Variants in MARVELD3 observed in about 807,000 individuals in gnomAD.
MARVELD3 encodes the protein MARVEL domain-containing protein 3.
In MARVELD3, 28 loss-of-function variants were observed where a neutral mutation model predicts 33.5. That is an observed-to-expected ratio of 0.84 (90% CI 0.62 to 1.15). The LOEUF (loss-of-function observed/expected upper bound fraction) is 1.15. Ranked by LOEUF, MARVELD3 falls within the 50% of genes most tolerant of loss-of-function variation. The pLI is 0.00. For missense variants in MARVELD3, 582 were observed against 547.6 expected (o/e 1.06, Z -0.63); for synonymous variants, 241 against 230.4 (o/e 1.05, Z -0.42).
At chr16:71,638,313 C>G (rs2044594707), downstream of MARVELD3, 1 of 152,280 alleles carries the variant, frequency 6.6e-6, no homozygotes, top group Non-Finnish European at 1.5e-5. Context: ...TAGACAAATC[C>G]ATCCATACAA....
rs2044507486 is a variant in MARVELD3 at position 71,629,501 on chromosome 16, C to T, written c.595+7C>T. The T allele has an allele frequency of 1.3e-6, 2 of 1,559,302 alleles. No homozygotes were observed. The highest frequency in any genetic ancestry group is 1.4e-5 in the African/African-American group (1 of 71,418). ...TACTTGTGCACTGGGAGAGGTGAGC[C>T]GTTTTGCAGGCTGTTTGATCATTTA... On this transcript the variant is annotated splice_region_variant and intron_variant, in intron 2 of 2. Coordinates refer to ENST00000268485, the MANE Select transcript of MARVELD3 (RefSeq NM_052858.6).
Position 71,629,542 on chromosome 16 carries a change from C to G in MARVELD3, c.595+48C>G, listed in dbSNP as rs201808584. ...TGATCATTTACTGTCACTGGTGGTT[C>G]TGGAAGGGATGGTCTGAGCTGGTGA... On this transcript the variant is annotated intron_variant, in intron 2 of 2. Coordinates refer to ENST00000268485, the MANE Select transcript of MARVELD3 (RefSeq NM_052858.6). 1.5e-4 allele frequency: 235 copies of G among 1,521,566 alleles called. 1 individual carries two copies. In the East Asian group the frequency reaches 4.8e-3, roughly 31 times the overall value. 94.3% of individuals were successfully genotyped at this position (1,521,566 alleles called of 1,614,324 possible).
chr16:71,638,410 C>G (rs543381895), downstream of MARVELD3: 1 of 152,566 alleles, frequency 6.6e-6, no homozygotes, highest in East Asian at 1.9e-4. Context: ...ATGAAAAAAT[C>G]AAGATGCAGA....
At chr16:71,629,515 T>C in intron 2 of MARVELD3, 21 bp downstream of exon 2, 2 of 1,548,918 alleles carry the variant, frequency 1.3e-6, no homozygotes, top group Non-Finnish European at 1.7e-6. Context: ...TTGCAGGCTG[T>C]TTGATCATTT....
At chr16:71,629,880 C>T (rs1264569678) in intron 2 of MARVELD3, among the ~76,000 whole-genome samples, 1 of 152,116 alleles carries the variant, frequency 6.6e-6, no homozygotes, top group Non-Finnish European at 1.5e-5. Flanking sequence ...CTGGCGTGGG[C>T]AGCCAAGTTG....
rs1245662156 is a variant in MARVELD3 at position 71,634,524 on chromosome 16, G to A, written c.927G>A (p.Leu309=). Residue 309 remains leucine, a synonymous_variant, in exon 3 of 3, where the codon TTG becomes TTA. Coordinates refer to ENST00000268485, the MANE Select transcript of MARVELD3 (RefSeq NM_052858.6). ...CPLLLVTEGL[L]DMLIAGGYIP... Reference sequence around the variant, plus strand: ...TGTTGCTGGTGACCGAAGGCTTGTTGGACATGCTCATCGCGGGGGGGTACA... The same window carrying A: ...TGTTGCTGGTGACCGAAGGCTTGTTAGACATGCTCATCGCGGGGGGGTACA... The A allele has an allele frequency of 6.2e-7, 1 of 1,614,102 alleles. No homozygotes were observed. The highest frequency in any genetic ancestry group is 8.5e-7 in the Non-Finnish European group (1 of 1,180,050).
downstream of MARVELD3, chr16:71,640,328 T>C (rs1596978821): frequency 1.3e-6 from 2 of 1,556,522 alleles, no homozygotes; most frequent in Non-Finnish European, 1.7e-6. Context: ...GCCTGTGGTA[T>C]GTCTCTGGCT....
chr16:71,634,310 A>G lies in MARVELD3; in HGVS notation c.713A>G (p.Tyr238Cys). Residue 238 changes from tyrosine to cysteine, a missense_variant, in exon 3 of 3, where the codon TAT becomes TGT. Tyr to Cys is a radical substitution (Grantham distance 194). Coordinates refer to ENST00000268485, the MANE Select transcript of MARVELD3 (RefSeq NM_052858.6). Reference sequence around the variant, plus strand: ...ACCAGCTTGGGGGGCATTTACTACTATCAGTTCGGAGGGGCTTACAGTGGC... The same window carrying G: ...ACCAGCTTGGGGGGCATTTACTACTGTCAGTTCGGAGGGGCTTACAGTGGC... ...GITSLGGIYYYQFGGAYSGFD... is the reference protein window; with the variant it reads ...GITSLGGIYYCQFGGAYSGFD... 2 of 1,614,086 alleles carry G rather than the reference A, an allele frequency of 1.2e-6. No individual in the cohort carries two copies. The highest frequency in any genetic ancestry group is 1.7e-5 in the Admixed American group (1 of 60,016).
downstream of MARVELD3, among the ~76,000 whole-genome samples, chr16:71,636,653 G>C (rs2044583014): frequency 6.6e-6 from 1 of 152,008 alleles, no homozygotes; most frequent in Non-Finnish European, 1.5e-5. Flanking sequence ...TGCAGTGGTG[G>C]GATCTCAGCT....
At chr16:71,629,252 A>G (rs985094254) in intron 1 of MARVELD3, 115 bp from the exon 2 acceptor site, 1 of 1,210,798 alleles carries the variant, frequency 8.3e-7, no homozygotes, top group Non-Finnish European at 1.1e-6. Context: ...TACCGGGACA[A>G]ATTCTATTTC....
At chr16:71,630,624 T>C in intron 2 of MARVELD3, among the ~76,000 whole-genome samples, 1 of 138,254 alleles carries the variant, frequency 7.2e-6, no homozygotes, top group South Asian at 2.3e-4. Context: ...AACTACGTCT[T>C]AAAAAAAAAA....
intron 2 of MARVELD3, 95 bp downstream of exon 2, chr16:71,629,589 C>A (rs560869519): frequency 1.7e-6 from 2 of 1,196,780 alleles, no homozygotes; most frequent in Non-Finnish European, 2.3e-6. Flanking sequence ...AAGCAGATTC[C>A]CTTGTGGGTT....
chr16:71,633,856 G>A (rs1489632331), intron 2 of MARVELD3, among the ~76,000 whole-genome samples: 1 of 152,080 alleles, frequency 6.6e-6, no homozygotes, highest in Non-Finnish European at 1.5e-5. Context: ...CTTTCTGGTG[G>A]TGGGAGGTGG....
downstream of MARVELD3, chr16:71,640,695 C>T (rs941107898): frequency 6.2e-7 from 1 of 1,614,252 alleles, no homozygotes; most frequent in Non-Finnish European, 8.5e-7. Flanking sequence ...GAAGTGGCTC[C>T]TCACGGAGGC....
chr16:71,634,188 TGCAGCC>T lies in MARVELD3; in HGVS notation c.596-4_597del. The T allele has an allele frequency of 1.3e-6, 2 of 1,592,416 alleles. No individual in the cohort carries two copies. Among genetic ancestry groups the T allele is most frequent in the African/African-American group, 1.3e-5 (1 of 74,500 alleles). ...CTCAAAAATGGTAACACCCTTTTTT[TGCAGCC>T]TGCTGCCAAATGCTGGAGGTTCTCC... On this transcript the variant is annotated splice_acceptor_variant and splice_polypyrimidine_tract_variant and coding_sequence_variant and intron_variant, in exon 3 of 3. Transcript: ENST00000268485. LOFTEE classifies it high-confidence loss of function.
intron 2 of MARVELD3, among the ~76,000 whole-genome samples, chr16:71,632,224 C>T (rs2145277885): frequency 6.6e-6 from 1 of 152,288 alleles, no homozygotes; most frequent in Non-Finnish European, 1.5e-5. Context: ...CAAAGCGTCA[C>T]TAAGGAAATT....
At chr16:71,633,959 G>A (rs925062665) in intron 2 of MARVELD3, among the ~76,000 whole-genome samples, 9 of 152,048 alleles carry the variant, frequency 5.9e-5, no homozygotes, top group Non-Finnish European at 4.4e-5. Context: ...AGGGCACACC[G>A]CTTTGCTCTT....
chr16:71,626,319 C>T lies in MARVELD3; in HGVS notation c.90C>T (p.Thr30=). The change falls in exon 1 of 3, where the codon ACC becomes ACT. Residue 30 remains threonine, a synonymous_variant. Transcript: ENST00000268485. The surrounding 1 kb of genome is among the most constrained non-coding windows in gnomAD (Gnocchi z 5.3). ...GCCCCCACCCAGACCAAGGCCGCAC[C>T]CACGATCGACCGCGGGACCGACCCG... ...GRRPHPDQGR[T]HDRPRDRPGD... The T allele has an allele frequency of 6.5e-7, 1 of 1,548,352 alleles. No individual in the cohort carries two copies. The highest frequency in any genetic ancestry group is 8.7e-7 in the Non-Finnish European group (1 of 1,146,696).
intron 2 of MARVELD3, 40 bp from the exon 3 acceptor site, chr16:71,634,153 A>T (rs1186986647): frequency 6.4e-7 from 1 of 1,564,388 alleles, no homozygotes; most frequent in East Asian, 2.2e-5. Context: ...CCTGGTGCCA[A>T]ACAGCATCAC....
Sources: allele counts gnomAD v4.1 joint callset (sites outside exome capture counted in the v4.1 genomes callset), GRCh38; gene constraint gnomAD v4.1.1; non-coding constraint Gnocchi (gnomAD v3.1); transcripts MANE v1.5; gene names NCBI Gene and HGNC (gene_info 2026-07-23, HGNC 2026-07-21).